Variants in KCTD1 observed in about 807,000 individuals in gnomAD.
KCTD1 encodes BTB/POZ domain-containing protein KCTD1.
Under a neutral mutation model 66.0 loss-of-function variants are expected in KCTD1, and 24 were observed. That is an observed-to-expected ratio of 0.36 (90% confidence interval 0.26 to 0.51). The LOEUF (loss-of-function observed/expected upper bound fraction) is 0.51. Ranked by LOEUF, KCTD1 falls within the 20% of genes least tolerant of loss-of-function variation. KCTD1 has a pLI of 0.95. For synonymous variants in KCTD1, 511 were observed against 517.2 expected, an observed-to-expected ratio of 0.99 and a Z score of 0.16; for missense variants, 943 against 1,205.2, an observed-to-expected ratio of 0.78 and a Z score of 3.22.
intron 1 of KCTD1, among the ~76,000 whole-genome samples, chr18:26,513,227 A>G (rs1036441426): frequency 6.6e-6 from 1 of 151,652 alleles, no homozygotes; most frequent in Non-Finnish European, 1.5e-5. Flanking sequence ...AGCTGGGACT[A>G]CAGGCGCCCG....
chr18:26,515,230 T>G (rs1235930506), intron 1 of KCTD1, among the ~76,000 whole-genome samples: 2 of 152,234 alleles, frequency 1.3e-5, no homozygotes, highest in African/African-American at 4.8e-5. Context: ...CCATCATTTA[T>G]GAGATCTCAG....
intron 1 of KCTD1, among the ~76,000 whole-genome samples, chr18:26,508,083 C>CA (rs1231030092): frequency 1.3e-5 from 2 of 151,918 alleles, no homozygotes; most frequent in South Asian, 2.1e-4. Context: ...TTTTTAAAGC[C>CA]AAAAAAAGTG....
chr18:26,554,817 T>C (rs773660150), intron 1 of KCTD1, among the ~76,000 whole-genome samples: 2 of 152,222 alleles, frequency 1.3e-5, no homozygotes, highest in Non-Finnish European at 1.5e-5. Context: ...CATAAGTAAA[T>C]TGGGTTTTTA....
chr18:26,565,105 A>G (rs1985952140), intron 1 of KCTD1, among the ~76,000 whole-genome samples: 1 of 152,206 alleles, frequency 6.6e-6, no homozygotes, highest in East Asian at 1.9e-4. Flanking sequence ...AAGGAGGTGA[A>G]GAATTCATTA....
chr18:26,651,307 G>A lies in KCTD1; in HGVS notation c.9+6053C>T, dbSNP rs536248149. ...ATGGGTGTAGATGAGAAAGCAGAAC[G>A]GCTAATGGGGGCTAATGGCAGGGTT... is the stretch of plus-strand genomic sequence containing the variant. On this transcript the variant is annotated intron_variant, in intron 1 of 4. Transcript: ENST00000580191. Among the ~76,000 whole-genome samples the A allele has an allele frequency of 7.2e-5, 11 of 152,290 alleles. No individual in the cohort carries two copies. The East Asian group carries it at 9.6e-4, about 13-fold the overall frequency.
chr18:26,498,196 G>A (rs17604918), intron 2 of KCTD1, among the ~76,000 whole-genome samples: 12,320 of 152,040 alleles, frequency 0.081, 532 homozygotes, highest in South Asian at 0.1. Flanking sequence ...CATCCAATCC[G>A]AGAACCAATG....
chr18:26,508,857 T>A (rs1278197713), intron 1 of KCTD1, among the ~76,000 whole-genome samples: 1 of 152,162 alleles, frequency 6.6e-6, no homozygotes, highest in Non-Finnish European at 1.5e-5. Flanking sequence ...CTTCCTGGGA[T>A]GGAAATTTGC....
At chr18:26,620,360 A>C (rs1270720230) in intron 1 of KCTD1, among the ~76,000 whole-genome samples, 1 of 124,032 alleles carries the variant, frequency 8.1e-6, no homozygotes, top group Non-Finnish European at 1.7e-5. Context: ...AAAAAAAAAA[A>C]AAAAAAAAAA....
intron 3 of KCTD1, among the ~76,000 whole-genome samples, chr18:26,461,128 A>G (rs182693139): frequency 6.1e-4 from 93 of 152,344 alleles, no homozygotes; most frequent in African/African-American, 2.1e-3. Flanking sequence ...GAAGCACAAG[A>G]TGACCATGGG....
intron 3 of KCTD1, among the ~76,000 whole-genome samples, chr18:26,467,126 G>A (rs867434696): frequency 2.0e-5 from 3 of 150,010 alleles, no homozygotes; most frequent in African/African-American, 5.0e-5. Context: ...GGGAACATAC[G>A]GTATAGTTTG....
At chr18:26,524,972 TC>T (rs1984087866) in intron 1 of KCTD1, among the ~76,000 whole-genome samples, 2 of 152,114 alleles carry the variant, frequency 1.3e-5, no homozygotes, top group Non-Finnish European at 1.5e-5. Context: ...CTGGATGAAC[TC>T]CACCCAGAAA....
chr18:26,559,313 A>G (rs1410208825), intron 1 of KCTD1, among the ~76,000 whole-genome samples: 1 of 152,262 alleles, frequency 6.6e-6, no homozygotes, highest in Non-Finnish European at 1.5e-5. Context: ...CCCATTCTCC[A>G]TGATGTGGTT....
At chr18:26,544,774 T>C (rs775116471) in intron 1 of KCTD1, 1 of 152,214 alleles carries the variant, frequency 6.6e-6, no homozygotes, top group Admixed American at 6.5e-5. Flanking sequence ...CTGCTCAGAC[T>C]TCATAAGTGA....
At chr18:26,493,771 T>A (rs946283872) in intron 2 of KCTD1, among the ~76,000 whole-genome samples, 2 of 152,206 alleles carry the variant, frequency 1.3e-5, no homozygotes, top group South Asian at 4.1e-4. Context: ...GTCACTGTGT[T>A]GTGCTATCAA....
At chr18:26,605,876 A>G (rs1987004318) in intron 1 of KCTD1, among the ~76,000 whole-genome samples, 1 of 152,110 alleles carries the variant, frequency 6.6e-6, no homozygotes, top group Non-Finnish European at 1.5e-5. Context: ...GGTCTCAATC[A>G]ATTTAGCAAG....
rs550106659 is a variant in KCTD1 at position 26,612,844 on chromosome 18, T to C, written c.-16+16303A>G. ...ACATGTGTTTTCCACCTCTCATTTTTTCGTTGCTTGACATCCATTGTCTTA... is the reference window on the plus strand; with the variant it reads ...ACATGTGTTTTCCACCTCTCATTTTCTCGTTGCTTGACATCCATTGTCTTA... On this transcript the variant is annotated intron_variant, in intron 1 of 4. Coordinates refer to the KCTD1 transcript ENST00000317932. Among the ~76,000 whole-genome samples the C allele has an allele frequency of 8.5e-5, 13 of 152,354 alleles. No homozygotes were observed. The South Asian group carries it at 2.1e-3, about 24-fold the overall frequency.
upstream of KCTD1, among the ~76,000 whole-genome samples, chr18:26,632,035 G>C (rs1393796169): frequency 6.6e-6 from 1 of 151,724 alleles, no homozygotes; most frequent in East Asian, 1.9e-4. Context: ...GGGTGACAGA[G>C]TGAGACTCCG....
At chr18:26,565,475 A>G (rs183866615) in intron 1 of KCTD1, among the ~76,000 whole-genome samples, 1 of 152,362 alleles carries the variant, frequency 6.6e-6, no homozygotes, top group Admixed American at 6.5e-5. Flanking sequence ...TCTGAGAGAT[A>G]TAAACCCATC....
At chr18:26,615,996 G>A (rs1181543152) in intron 1 of KCTD1, among the ~76,000 whole-genome samples, 1 of 152,108 alleles carries the variant, frequency 6.6e-6, no homozygotes, top group Admixed American at 6.5e-5. Flanking sequence ...TCACCATGTT[G>A]GCCAGGCTGG....
Sources: gnomAD v4.1 joint callset for allele counts (sites outside exome capture counted in the v4.1 genomes callset) on GRCh38, gnomAD v4.1.1 for gene constraint, MANE v1.5 for transcripts, NCBI Gene and HGNC (gene_info 2026-07-23, HGNC 2026-07-21) for gene names.